The following MOXD1 variants were observed in gnomAD, a reference collection of about 807,000 sequenced individuals.
MOXD1 encodes DBH-like monooxygenase protein 1.
Under a neutral mutation model 66.6 loss-of-function variants are expected in MOXD1, and 62 were observed. The ratio of observed to expected loss-of-function variants is 0.93; its 90% CI spans 0.76 to 1.15. The LOEUF (loss-of-function observed/expected upper bound fraction) is 1.15, where lower values mean the gene tolerates loss of function less well. Ranked by LOEUF, MOXD1 falls within the 50% of genes most tolerant of loss-of-function variation. The pLI is 0.00. For missense variants in MOXD1, 847 were observed against 754.6 expected, an observed-to-expected ratio of 1.12 and a Z score of -1.44; for synonymous variants, 303 against 281.9, an observed-to-expected ratio of 1.07 and a Z score of -0.75.
chr6:132,368,440 C>T (rs1490786283), intron 4 of MOXD1, among the ~76,000 whole-genome samples: 3 of 151,956 alleles, frequency 2.0e-5, no homozygotes, highest in African/African-American at 7.2e-5. Context: ...ATGTGATATG[C>T]TGTCATCTGA....
intron 11 of MOXD1, 104 bp from the exon 12 acceptor site, chr6:132,297,421 G>T: frequency 8.1e-7 from 1 of 1,232,434 alleles, no homozygotes; most frequent in East Asian, 2.3e-5. Flanking sequence ...AAAGGGGGCA[G>T]GAGTGGTTAC....
intron 10 of MOXD1, among the ~76,000 whole-genome samples, chr6:132,300,709 A>C (rs1377800703): frequency 6.6e-6 from 1 of 152,198 alleles, no homozygotes; most frequent in Non-Finnish European, 1.5e-5. Flanking sequence ...GTGTAACCCC[A>C]TTTGTCAGTT....
chr6:132,318,361 C>T (rs1022539819), intron 9 of MOXD1, among the ~76,000 whole-genome samples: 12 of 151,966 alleles, frequency 7.9e-5, no homozygotes, highest in African/African-American at 2.7e-4. Flanking sequence ...AACGGAAATG[C>T]TATTTAAAAT....
At chr6:132,329,128 C>T (rs921802592) in intron 4 of MOXD1, among the ~76,000 whole-genome samples, 13 of 152,114 alleles carry the variant, frequency 8.5e-5, no homozygotes, top group African/African-American at 2.2e-4. Context: ...CCCCACCCCA[C>T]GACAGGCCCT....
At chr6:132,392,330 T>A (rs1332398354) in intron 1 of MOXD1, 22 of 1,569,438 alleles carry the variant, frequency 1.4e-5, no homozygotes, top group Non-Finnish European at 1.9e-5. Context: ...TGTTTCAGCC[T>A]CCATTCACCA....
At position 132,328,135 on chromosome 6, in the gene MOXD1, T is replaced by C; in HGVS notation, c.844-20A>G. On this transcript the variant is annotated intron_variant, in intron 5 of 11. Transcript: ENST00000367963. Reference sequence around the variant, plus strand: ...AAAGCCCTAAATATGGAAAATGCCATGAGACAATGTCCTATGAAAGTCCCT... The same window carrying C: ...AAAGCCCTAAATATGGAAAATGCCACGAGACAATGTCCTATGAAAGTCCCT... 1.3e-6 allele frequency: 2 copies of C among 1,589,746 alleles called. No individual in the cohort carries two copies. Among genetic ancestry groups the C allele is most frequent in the Non-Finnish European group, 1.7e-6 (2 of 1,158,076 alleles).
At chr6:132,300,207 T>A (rs1421644193) in intron 10 of MOXD1, among the ~76,000 whole-genome samples, 3 of 152,088 alleles carry the variant, frequency 2.0e-5, no homozygotes, top group Admixed American at 2.0e-4. Flanking sequence ...CAGCATTGCA[T>A]TACATAAACA....
intron 9 of MOXD1, 109 bp from the exon 10 acceptor site, chr6:132,315,886 C>T (rs1774939719): frequency 8.8e-7 from 1 of 1,135,426 alleles, no homozygotes; most frequent in Non-Finnish European, 1.3e-6. Flanking sequence ...AAATTTAATA[C>T]ATCTTAAAGC....
At chr6:132,303,732 C>CACACACACACACAT (rs1422469786) in intron 10 of MOXD1, among the ~76,000 whole-genome samples, 1 of 144,294 alleles carries the variant, frequency 6.9e-6, no homozygotes, top group African/African-American at 2.6e-5. Flanking sequence ...CACACACACA[C>CACACACACACACAT]ACATTTATTT....
intron 4 of MOXD1, among the ~76,000 whole-genome samples, chr6:132,368,489 G>C (rs935674036): frequency 6.6e-6 from 1 of 151,936 alleles, no homozygotes; most frequent in African/African-American, 2.4e-5. Context: ...TCAACATTTT[G>C]TTAAGAATCA....
At chr6:132,380,032 G>T (rs1776478197) in intron 1 of MOXD1, among the ~76,000 whole-genome samples, 1 of 152,160 alleles carries the variant, frequency 6.6e-6, no homozygotes, top group African/African-American at 2.4e-5. Context: ...GATCACAGGT[G>T]TAAGCCACCA....
chr6:132,313,158 G>C (rs1317760780), intron 10 of MOXD1, among the ~76,000 whole-genome samples: 1 of 152,088 alleles, frequency 6.6e-6, no homozygotes, highest in South Asian at 2.1e-4. Flanking sequence ...GGGAGAAAGA[G>C]ATCAGAGACT....
intron 4 of MOXD1, among the ~76,000 whole-genome samples, chr6:132,372,178 T>A (rs988337112): frequency 2.0e-5 from 3 of 152,200 alleles, no homozygotes; most frequent in Admixed American, 6.5e-5. Flanking sequence ...TTTCAAAAAA[T>A]TATTATAACT....
chr6:132,340,848 G>C (rs938312315), intron 4 of MOXD1, among the ~76,000 whole-genome samples: 5 of 151,674 alleles, frequency 3.3e-5, no homozygotes, highest in Non-Finnish European at 5.9e-5. Flanking sequence ...GGGTTTCATC[G>C]TGTTAGCCAG....
At chr6:132,327,715 A>C (rs1230028200) in intron 6 of MOXD1, among the ~76,000 whole-genome samples, 1 of 152,190 alleles carries the variant, frequency 6.6e-6, no homozygotes, top group Non-Finnish European at 1.5e-5. Context: ...AATCTACATC[A>C]CAAAGGAAAA....
chr6:132,333,491 C>T (rs529110549), intron 4 of MOXD1, among the ~76,000 whole-genome samples: 11 of 151,940 alleles, frequency 7.2e-5, no homozygotes, highest in African/African-American at 1.9e-4. Flanking sequence ...TAAAATTGTA[C>T]GAATTATTAA....
rs547770595 is a variant in MOXD1 at position 132,348,939 on chromosome 6, A to G, written c.664-20345T>C. Among the ~76,000 whole-genome samples, 6 of 151,488 alleles carry G rather than the reference A, an allele frequency of 4.0e-5. No individual in the cohort carries two copies. The South Asian group carries it at 1.3e-3, about 32-fold the overall frequency. ...TCTTTCATCTTCTACCTGCACAGTA[A>G]CCCTTGTGTGTATTCTCTCCTTATT... is the stretch of plus-strand genomic sequence containing the variant. On this transcript the variant is annotated intron_variant, in intron 4 of 11. Coordinates refer to ENST00000367963, the MANE Select transcript of MOXD1 (RefSeq NM_015529.4).
intron 10 of MOXD1, among the ~76,000 whole-genome samples, chr6:132,312,997 T>G (rs926654513): frequency 1.3e-5 from 2 of 152,170 alleles, no homozygotes; most frequent in East Asian, 3.8e-4. Context: ...ACATCAATAT[T>G]TGAAAACCAA....
chr6:132,393,978 G>T (rs1405282841), intron 1 of MOXD1, among the ~76,000 whole-genome samples: 1 of 152,162 alleles, frequency 6.6e-6, no homozygotes, highest in East Asian at 1.9e-4. Context: ...CACAGCTACT[G>T]CCATTGCCAC....
Sources: allele counts gnomAD v4.1 joint callset (sites outside exome capture counted in the v4.1 genomes callset), GRCh38; gene constraint gnomAD v4.1.1; transcripts MANE v1.5; gene names NCBI Gene and HGNC (gene_info 2026-07-23, HGNC 2026-07-21).